The following PARVA variants were observed in gnomAD, a reference collection of about 807,000 sequenced individuals.
PARVA encodes the protein alpha-parvin.
Under a neutral mutation model 52.6 loss-of-function variants are expected in PARVA, and 25 were observed. The ratio of observed to expected loss-of-function variants is 0.48; its 90% CI spans 0.35 to 0.66. PARVA has a LOEUF of 0.66. PARVA is among the 30% of genes least tolerant of loss of function. The pLI, the probability that PARVA is intolerant of heterozygous loss-of-function variation, is 0.01. For missense variants in PARVA, 373 were observed against 450.9 expected (o/e 0.83, Z 1.56); for synonymous variants, 185 against 179.1 (o/e 1.03, Z -0.26).
intron 1 of PARVA, among the ~76,000 whole-genome samples, chr11:12,459,495 CA>C (rs775343180): frequency 9.2e-5 from 14 of 152,180 alleles, no homozygotes; most frequent in Non-Finnish European, 1.5e-4. Flanking sequence ...CACGAGTTCC[CA>C]GAGGCCCCAC....
At chr11:12,404,317 T>C (rs893120857) in intron 1 of PARVA, among the ~76,000 whole-genome samples, 13 of 152,088 alleles carry the variant, frequency 8.5e-5, no homozygotes, top group Non-Finnish European at 1.9e-4. Context: ...TTTGGGGAGA[T>C]GAGTCCATTT....
At chr11:12,387,250 G>A (rs1939585679) in intron 1 of PARVA, among the ~76,000 whole-genome samples, 1 of 152,170 alleles carries the variant, frequency 6.6e-6, no homozygotes, top group Non-Finnish European at 1.5e-5. Flanking sequence ...TCCAATGAGG[G>A]CTTTGCCTGA....
intron 1 of PARVA, among the ~76,000 whole-genome samples, chr11:12,432,001 A>G (rs1940322460): frequency 1.3e-5 from 2 of 152,220 alleles, no homozygotes; most frequent in African/African-American, 4.8e-5. Context: ...AGAATCATAA[A>G]CGAAATGAAA....
chr11:12,392,357 C>T (rs909682089), intron 1 of PARVA, among the ~76,000 whole-genome samples: 2 of 151,710 alleles, frequency 1.3e-5, no homozygotes, highest in Non-Finnish European at 2.9e-5. Flanking sequence ...CAACCTCCGC[C>T]TCTTGGGTTC....
chr11:12,420,335 C>T (rs1049738822), intron 1 of PARVA, among the ~76,000 whole-genome samples: 15 of 152,102 alleles, frequency 9.9e-5, no homozygotes, highest in Admixed American at 2.0e-4. Context: ...TTAATTTGAA[C>T]GGGAACTTCA....
intron 1 of PARVA, among the ~76,000 whole-genome samples, chr11:12,449,498 C>T (rs779302087): frequency 2.0e-5 from 3 of 152,186 alleles, no homozygotes; most frequent in Non-Finnish European, 4.4e-5. Flanking sequence ...CCATTTAAGG[C>T]TCTGTCTTCT....
chr11:12,385,084 C>T (rs145997277), intron 1 of PARVA, among the ~76,000 whole-genome samples: 1 of 152,216 alleles, frequency 6.6e-6, no homozygotes, highest in East Asian at 1.9e-4. Flanking sequence ...CGCCTGTAAT[C>T]CCAGCACTTT....
At chr11:12,511,619 C>CA in intron 8 of PARVA, 86 bp downstream of exon 8, 1 of 1,393,564 alleles carries the variant, frequency 7.2e-7, no homozygotes, top group Non-Finnish European at 1.0e-6. Context: ...AACAGGCTCT[C>CA]AGCTTGTCAC....
At chr11:12,416,820 G>A (rs1940073580) in intron 1 of PARVA, among the ~76,000 whole-genome samples, 1 of 152,058 alleles carries the variant, frequency 6.6e-6, no homozygotes, top group East Asian at 1.9e-4. Context: ...GGGCACGAGG[G>A]CAGAGAGATG....
chr11:12,377,366 G>A, upstream of PARVA: 1 of 1,325,106 alleles, frequency 7.5e-7, no homozygotes, highest in Non-Finnish European at 9.7e-7. Flanking sequence ...ACGTCCTCCT[G>A]TCCTGCAAGG....
At chr11:12,393,044 GAAA>G (rs60966710) in intron 1 of PARVA, among the ~76,000 whole-genome samples, 3,370 of 45,784 alleles carry the variant, frequency 0.074, 67 homozygotes, top group African/African-American at 0.19. Flanking sequence ...CCCAAATTGT[GAAA>G]AAAAAAAAAA....
chr11:12,435,351 C>A (rs1342629066), intron 1 of PARVA, among the ~76,000 whole-genome samples: 2 of 152,176 alleles, frequency 1.3e-5, no homozygotes, highest in African/African-American at 2.4e-5. Flanking sequence ...GATCCTGATT[C>A]CAGAACATGG....
At chr11:12,447,622 T>C (rs1157673937) in intron 1 of PARVA, among the ~76,000 whole-genome samples, 1 of 152,226 alleles carries the variant, frequency 6.6e-6, no homozygotes, top group Non-Finnish European at 1.5e-5. Context: ...ACATTTCATC[T>C]TCTGTGTGAC....
intron 12 of PARVA, among the ~76,000 whole-genome samples, chr11:12,518,859 G>T (rs559488319): frequency 1.3e-5 from 2 of 152,202 alleles, no homozygotes; most frequent in Non-Finnish European, 2.9e-5. Context: ...CCCGCCAGTC[G>T]GGGTGAAGGT....
chr11:12,473,699 G>A (rs770387154), intron 1 of PARVA, 46 bp from the exon 2 acceptor site: 3 of 1,425,048 alleles, frequency 2.1e-6, no homozygotes, highest in African/African-American at 1.4e-5. Context: ...CCAACCCCCT[G>A]CCGTCCGTCA....
chr11:12,450,690 C>G (rs1362249919), intron 1 of PARVA, among the ~76,000 whole-genome samples: 2 of 152,188 alleles, frequency 1.3e-5, no homozygotes, highest in African/African-American at 4.8e-5. Flanking sequence ...CTGAGACCCA[C>G]GGCATTCAGT....
chr11:12,493,464 C>T (rs1034695603), intron 4 of PARVA, among the ~76,000 whole-genome samples: 2 of 149,706 alleles, frequency 1.3e-5, no homozygotes, highest in East Asian at 1.9e-4. Context: ...ACTAAAATAT[C>T]GAACAGCAAA....
intron 1 of PARVA, among the ~76,000 whole-genome samples, chr11:12,451,830 C>T (rs567929099): frequency 6.6e-6 from 1 of 152,292 alleles, no homozygotes; most frequent in Admixed American, 6.5e-5. Flanking sequence ...TTTGCATACT[C>T]TGTACCTTTT....
chr11:12,526,335 A>T (rs1199966458), intron 12 of PARVA, among the ~76,000 whole-genome samples: 1 of 152,166 alleles, frequency 6.6e-6, no homozygotes, highest in Non-Finnish European at 1.5e-5. Flanking sequence ...CATTGCTAGA[A>T]TCCTGACACC....
Sources: allele counts gnomAD v4.1 joint callset (sites outside exome capture counted in the v4.1 genomes callset), GRCh38; gene constraint gnomAD v4.1.1; transcripts MANE v1.5; gene names NCBI Gene and HGNC (gene_info 2026-07-23, HGNC 2026-07-21).